Variants in SGCD observed in about 807,000 individuals in gnomAD.
SGCD encodes delta-sarcoglycan.
Under a neutral mutation model 36.6 loss-of-function variants are expected in SGCD, and 18 were observed. The ratio of observed to expected loss-of-function variants is 0.49; its 90% CI spans 0.34 to 0.73. SGCD has a LOEUF of 0.73. Ranked by LOEUF, SGCD falls within the 30% of genes least tolerant of loss-of-function variation. The pLI is 0.01. For missense variants in SGCD, 387 were observed against 346.7 expected (o/e 1.12, Z -0.92); for synonymous variants, 133 against 130.6 (o/e 1.02, Z -0.12).
intron 7 of SGCD, among the ~76,000 whole-genome samples, chr5:156,702,436 G>A (rs1344051139): frequency 6.6e-6 from 1 of 152,030 alleles, no homozygotes; most frequent in Non-Finnish European, 1.5e-5. Flanking sequence ...GCCAAAATGT[G>A]GATACTTTTC....
upstream of SGCD, among the ~76,000 whole-genome samples, chr5:155,868,233 C>T (rs967735202): frequency 6.6e-6 from 1 of 151,798 alleles, no homozygotes. Context: ...TGTATTTTTA[C>T]TAGAGACAGG....
chr5:155,869,259 C>T (rs114263129), upstream of SGCD, among the ~76,000 whole-genome samples: 726 of 152,236 alleles, frequency 4.8e-3, 5 homozygotes, highest in African/African-American at 0.016. Flanking sequence ...GGGCACTATT[C>T]GGTGCCCACA....
At chr5:156,640,401 C>T (rs1022286710) in intron 6 of SGCD, among the ~76,000 whole-genome samples, 1 of 129,656 alleles carries the variant, frequency 7.7e-6, no homozygotes, top group African/African-American at 2.5e-5. Flanking sequence ...ATAACATCAC[C>T]CCCATTGAAA....
chr5:156,183,550 G>T (rs1034986095), intron 3 of SGCD, among the ~76,000 whole-genome samples: 2 of 152,080 alleles, frequency 1.3e-5, no homozygotes, highest in Non-Finnish European at 2.9e-5. Context: ...TAGGATTACA[G>T]GCATGCACCA....
chr5:156,718,643 T>A (rs157678), intron 7 of SGCD, among the ~76,000 whole-genome samples: 117,256 of 151,656 alleles, frequency 0.77, 46,404 homozygotes, highest in African/African-American at 0.94. Context: ...AATTATTTTA[T>A]ATAGGGATAA....
chr5:156,375,417 T>TTTA (rs1239602122), intron 3 of SGCD, among the ~76,000 whole-genome samples: 1 of 116,352 alleles, frequency 8.6e-6, no homozygotes, highest in African/African-American at 3.4e-5. Flanking sequence ...TTTTTTTTTT[T>TTTA]AAAGAGTACT....
chr5:156,269,955 A>G (rs937451360), intron 3 of SGCD, among the ~76,000 whole-genome samples: 1 of 152,202 alleles, frequency 6.6e-6, no homozygotes, highest in Non-Finnish European at 1.5e-5. Context: ...GCCTGTGCCT[A>G]CAACCACAAT....
chr5:156,301,038 A>C (rs2127684336), intron 3 of SGCD, among the ~76,000 whole-genome samples: 1 of 151,980 alleles, frequency 6.6e-6, no homozygotes, highest in Non-Finnish European at 1.5e-5. Context: ...ACATAAATCT[A>C]TTTAGCCAGT....
At chr5:156,353,176 G>T (rs1769338372) in intron 3 of SGCD, among the ~76,000 whole-genome samples, 4 of 152,204 alleles carry the variant, frequency 2.6e-5, no homozygotes, top group Non-Finnish European at 5.9e-5. Context: ...AAGTTGAGGG[G>T]AGTGAGGATA....
intron 1 of SGCD, among the ~76,000 whole-genome samples, chr5:156,065,385 TGTG>T (rs1414921569): frequency 8.0e-6 from 1 of 124,946 alleles, no homozygotes; most frequent in Non-Finnish European, 1.6e-5. Flanking sequence ...ATAGGTGTGG[TGTG>T]GTGCTGAGAA....
chr5:156,396,798 C>A (rs28405992), intron 3 of SGCD, among the ~76,000 whole-genome samples: 7,704 of 152,202 alleles, frequency 0.051, 619 homozygotes, highest in African/African-American at 0.17. Context: ...TTTCACTGAA[C>A]CTTCACTGGA....
At chr5:156,601,485 C>A (rs552706864) in intron 6 of SGCD, among the ~76,000 whole-genome samples, 1 of 152,124 alleles carries the variant, frequency 6.6e-6, no homozygotes, top group Non-Finnish European at 1.5e-5. Flanking sequence ...TCTCTTCCAT[C>A]GGTGTATGTG....
At chr5:155,744,043 G>T in the SGCD span, among the ~76,000 whole-genome samples, 1 of 152,124 alleles carries the variant, frequency 6.6e-6, no homozygotes. Context: ...CACAATTAAA[G>T]ATGACAAAAA....
intron 3 of SGCD, among the ~76,000 whole-genome samples, chr5:156,348,528 A>G (rs1366999698): frequency 6.6e-6 from 1 of 152,190 alleles, no homozygotes; most frequent in East Asian, 1.9e-4. Context: ...TTAAATACCT[A>G]GGAAGATACT....
chr5:155,807,707 C>A, the SGCD span, among the ~76,000 whole-genome samples: 1 of 152,176 alleles, frequency 6.6e-6, no homozygotes, highest in African/African-American at 2.4e-5. Flanking sequence ...TTTTATGATA[C>A]AAAGCCTTTG....
intron 2 of SGCD, among the ~76,000 whole-genome samples, chr5:156,119,470 C>G (rs1056873134): frequency 3.9e-5 from 6 of 152,152 alleles, no homozygotes; most frequent in African/African-American, 1.4e-4. Context: ...AACAGGAATG[C>G]TGTGTGTAGG....
At chr5:155,878,091 T>C (rs1378479325) in intron 1 of SGCD, among the ~76,000 whole-genome samples, 2 of 152,060 alleles carry the variant, frequency 1.3e-5, no homozygotes, top group Non-Finnish European at 2.9e-5. Context: ...GTAGTGGGCT[T>C]ATGGCAGAAC....
At chr5:156,068,254 T>C (rs1031328111) in intron 1 of SGCD, among the ~76,000 whole-genome samples, 2 of 151,962 alleles carry the variant, frequency 1.3e-5, no homozygotes, top group African/African-American at 4.8e-5. Context: ...GTATGTCTCC[T>C]AAAGCTATCC....
intron 1 of SGCD, among the ~76,000 whole-genome samples, chr5:155,971,646 A>G (rs1462544409): frequency 5.9e-5 from 9 of 152,128 alleles, no homozygotes; most frequent in Non-Finnish European, 1.2e-4. Context: ...GTCAGGGGGA[A>G]AATACTGAAG....
Sources: gnomAD v4.1 joint callset for allele counts (sites outside exome capture counted in the v4.1 genomes callset) on GRCh38, gnomAD v4.1.1 for gene constraint, MANE v1.5 for transcripts, NCBI Gene and HGNC (gene_info 2026-07-23, HGNC 2026-07-21) for gene names.